Variants in GAGE12J observed in about 807,000 individuals in gnomAD.
GAGE12J encodes G antigen 11.
In GAGE12J, 5 loss-of-function variants were observed where a neutral mutation model predicts 8.5. That is an observed-to-expected ratio of 0.59 (90% CI 0.31 to 1.24). The LOEUF (loss-of-function observed/expected upper bound fraction) is 1.24, where lower values mean the gene tolerates loss of function less well. GAGE12J is among the 50% of genes most tolerant of loss of function. The pLI, the probability that GAGE12J is intolerant of heterozygous loss-of-function variation, is 0.06. For synonymous variants in GAGE12J, 10 were observed against 19.2 expected, an observed-to-expected ratio of 0.52 and a Z score of 1.25; for missense variants, 26 against 63.0, an observed-to-expected ratio of 0.41 and a Z score of 1.99.
At chrX:49,323,568 C>T (rs1207092918) in intron 2 of GAGE12J, among the ~76,000 whole-genome samples, 175 bp from the exon 3 acceptor site, 1 of 106,348 alleles carries the variant, frequency 9.4e-6, no homozygotes, top group Non-Finnish European at 2.0e-5. Context: ...TCACTTTTCT[C>T]ACAGTAACCT....
At position 49,323,252 on chromosome X, in the gene GAGE12J, C is replaced by A. The variant is rs782448704; in HGVS notation, c.59C>A (p.Pro20His). 5.2e-6 allele frequency: 6 copies of A among 1,146,715 alleles called. No homozygotes were observed. Among genetic ancestry groups the A allele is most frequent in the Non-Finnish European group, 5.9e-6 (5 of 843,123 alleles). The allele number at this position is 1,146,715 out of a possible 1,213,427, so 94.5% of individuals were successfully genotyped here. A position where few individuals can be genotyped will look rare whatever the true frequency, so the allele number is the denominator to read the frequency against. Residue 20 changes from proline (P) to histidine (H), a missense_variant, in exon 2 of 5, where the codon CCT (proline) becomes CAT (histidine). Physicochemically the swap from Pro to His is moderately conservative, Grantham distance 77. Transcript: ENST00000442437. ...YWPRPRPYVQPPEMIGPMRPE... is the reference protein window; with the variant it reads ...YWPRPRPYVQHPEMIGPMRPE... ...CCTAGACCAAGACCCTATGTACAGC[C>A]TCCTGAAATGATTGGGCCTATGCGG...
chrX:49,323,172 T>C lies in GAGE12J; in HGVS notation c.-8-14T>C, dbSNP rs4239987. ...GTGGAGCGCACGTTCCCAATCACGG[T>C]TGTCTGTTTTCAGTGTGAAATATGA... is the stretch of plus-strand genomic sequence containing the variant. On this transcript the variant is annotated splice_polypyrimidine_tract_variant and intron_variant, in intron 1 of 4. Transcript: ENST00000442437. 0.42 allele frequency: 414,494 copies of C among 987,134 alleles called. 71,710 individuals are homozygous for C. The highest frequency in any genetic ancestry group is 0.46 in the Non-Finnish European group (332,816 of 725,000). The allele number at this position is 987,134 out of a possible 1,213,427, so 81.4% of individuals were successfully genotyped here.
intron 3 of GAGE12J, among the ~76,000 whole-genome samples, chrX:49,325,697 C>T (rs1279006849): frequency 2.6e-5 from 2 of 78,148 alleles, no homozygotes; most frequent in African/African-American, 3.5e-5. Context: ...GTGTGTATAT[C>T]GTCAGAACAA....
Position 49,328,091 on chromosome X carries a change from T to A in GAGE12J, c.332-1180T>A, listed in dbSNP as rs6609881. Reference sequence around the variant, plus strand: ...TTAATGAACAATTGCTTCTTTTTTTTCTTTTATTTATTTATTTATTTATTT... The same window carrying A: ...TTAATGAACAATTGCTTCTTTTTTTACTTTTATTTATTTATTTATTTATTT... On this transcript the variant is annotated intron_variant, in intron 4 of 4. Coordinates refer to ENST00000442437, the MANE Select transcript of GAGE12J (RefSeq NM_001098406.4). 2.7e-5 allele frequency among the ~76,000 whole-genome samples: 2 copies of A among 72,826 alleles called. 1 individual carries two copies. The highest frequency in any genetic ancestry group is 3.1e-4 in the Admixed American group (2 of 6,519). 63.2% of individuals were successfully genotyped at this position (72,826 alleles called of 115,157 possible).
intron 3 of GAGE12J, among the ~76,000 whole-genome samples, chrX:49,325,079 C>T (rs1424587522): frequency 3.1e-5 from 1 of 32,346 alleles, no homozygotes; most frequent in African/African-American, 7.0e-5. Flanking sequence ...GCCATGCACT[C>T]ATAGTCCCAG....
chrX:49,322,374 A>G (rs1289247215), intron 1 of GAGE12J, among the ~76,000 whole-genome samples: 1 of 107,787 alleles, frequency 9.3e-6, no homozygotes, highest in Non-Finnish European at 2.0e-5. Context: ...TCAGGGGCTC[A>G]GGTGAAGATG....
In GAGE12J at chrX:49,322,596, G is replaced by A. The variant is rs1164044898; in HGVS notation, c.-9+452G>A. On this transcript the variant is annotated intron_variant, in intron 1 of 4. Transcript: ENST00000442437. ...AGAAGCACTGCAAGGTCTCACCTCC[G>A]CCATGGAAGGTCCGAAAACAGTGGG... Among the ~76,000 whole-genome samples, 9 of 91,599 alleles carry A rather than the reference G, an allele frequency of 9.8e-5. 1 individual carries two copies. The highest frequency in any genetic ancestry group is 3.1e-4 in the African/African-American group (9 of 28,608). The allele number at this position is 91,599 out of a possible 115,157, so 79.5% of individuals were successfully genotyped here. A position where few individuals can be genotyped will look rare whatever the true frequency, so the allele number is the denominator to read the frequency against.
At chrX:49,322,343 T>G in intron 1 of GAGE12J, among the ~76,000 whole-genome samples, 199 bp downstream of exon 1, 2 of 103,365 alleles carry the variant, frequency 1.9e-5, no homozygotes, top group South Asian at 4.2e-4. Flanking sequence ...GGGAGGAAGG[T>G]GGGCCGTGGA....
intron 4 of GAGE12J, among the ~76,000 whole-genome samples, chrX:49,328,170 A>G (rs1270551317): frequency 1.3e-5 from 1 of 75,448 alleles, no homozygotes; most frequent in Non-Finnish European, 3.3e-5. Flanking sequence ...GGTTAGTTAC[A>G]TATGTATACA....
At chrX:49,323,128 G>C in intron 1 of GAGE12J, 58 bp from the exon 2 acceptor site, 3 of 1,033,064 alleles carry the variant, frequency 2.9e-6, no homozygotes, top group Non-Finnish European at 4.0e-6. Context: ...CCATGGAAGT[G>C]ATCGAATATA....
intron 1 of GAGE12J, among the ~76,000 whole-genome samples, chrX:49,322,563 C>A (rs2066424442): frequency 1.1e-5 from 1 of 93,971 alleles, no homozygotes; most frequent in Non-Finnish European, 2.4e-5. Context: ...GTGCGGAGCG[C>A]CTGAGTGAGA....
In GAGE12J at chrX:49,322,786, C is replaced by CT. The variant is rs1352540169; in HGVS notation, c.-8-399dup. 1.7e-3 allele frequency among the ~76,000 whole-genome samples: 162 copies of CT among 92,599 alleles called. 1 individual carries two copies. Among genetic ancestry groups the CT allele is most frequent in the African/African-American group, 5.9e-3 (157 of 26,826 alleles). 80.4% of individuals were successfully genotyped at this position (92,599 alleles called of 115,157 possible). A position where few individuals can be genotyped will look rare whatever the true frequency, so the allele number is the denominator to read the frequency against. The stretch of plus-strand genomic sequence containing the variant: ...AACTAAACCTCATCAGAAATGACCT[C>CT]TGTCTGCGGGGCGCAGTGGCGCTCG... On this transcript the variant is annotated intron_variant, in intron 1 of 4. Coordinates refer to ENST00000442437, the MANE Select transcript of GAGE12J (RefSeq NM_001098406.4).
chrX:49,325,188 GAATA>G (rs1404705360), intron 3 of GAGE12J, among the ~76,000 whole-genome samples: 4 of 70,883 alleles, frequency 5.6e-5, no homozygotes, highest in African/African-American at 1.6e-4. Context: ...ATACATAAAT[GAATA>G]AATAAATAAA....
At chrX:49,322,595 C>T (rs1391707411) in intron 1 of GAGE12J, among the ~76,000 whole-genome samples, 2 of 91,523 alleles carry the variant, frequency 2.2e-5, no homozygotes, top group Admixed American at 2.3e-4. Flanking sequence ...GTCTCACCTC[C>T]GCCATGGAAG....
chrX:49,323,336 G>A, intron 2 of GAGE12J, 59 bp downstream of exon 2: 2 of 987,738 alleles, frequency 2.0e-6, no homozygotes, highest in Non-Finnish European at 2.8e-6. Context: ...TTTTGTGATA[G>A]CGTTGTTGCA....
At chrX:49,324,769 T>G (rs1324465210) in intron 3 of GAGE12J, among the ~76,000 whole-genome samples, 1 of 58,128 alleles carries the variant, frequency 1.7e-5, no homozygotes, top group Non-Finnish European at 4.3e-5. Flanking sequence ...ATATTACCTT[T>G]AGGACCTTCG....
chrX:49,325,700 C>T (rs2066442452), intron 3 of GAGE12J, among the ~76,000 whole-genome samples: 1 of 77,915 alleles, frequency 1.3e-5, no homozygotes, highest in Admixed American at 1.3e-4. Flanking sequence ...TGTATATCGT[C>T]AGAACAAAGA....
intron 1 of GAGE12J, among the ~76,000 whole-genome samples, chrX:49,322,381 G>C (rs2066422587): frequency 9.2e-6 from 1 of 108,531 alleles, no homozygotes; most frequent in Non-Finnish European, 2.0e-5. Context: ...CTCAGGTGAA[G>C]ATGGGGTGAG....
chrX:49,326,964 TC>T, intron 4 of GAGE12J, 149 bp downstream of exon 4: 1 of 917,775 alleles, frequency 1.1e-6, no homozygotes, highest in Non-Finnish European at 1.5e-6. Flanking sequence ...AAATTCTGTC[TC>T]CAGGGTTCAA....
Sources: gnomAD v4.1 joint callset for allele counts (sites outside exome capture counted in the v4.1 genomes callset) on GRCh38, gnomAD v4.1.1 for gene constraint, MANE v1.5 for transcripts, NCBI Gene and HGNC (gene_info 2026-07-23, HGNC 2026-07-21) for gene names.